Variants in ADAMTS2 observed in about 807,000 individuals in gnomAD.
ADAMTS2 encodes the protein A disintegrin and metalloproteinase with thrombospondin motifs 2.
In ADAMTS2, 50 loss-of-function variants were observed where a neutral mutation model predicts 123.0. The ratio of observed to expected loss-of-function variants is 0.41; its 90% CI spans 0.32 to 0.51. The LOEUF is 0.51. Ranked by LOEUF, ADAMTS2 falls within the 20% of genes least tolerant of loss-of-function variation. The probability of loss-of-function intolerance (pLI) is 0.35; values close to 1 mark genes in which losing one functional copy is unlikely to be tolerated. For synonymous variants in ADAMTS2, 678 were observed against 695.4 expected, an observed-to-expected ratio of 0.98 and a Z score of 0.39; for missense variants, 1,494 against 1,705.2, an observed-to-expected ratio of 0.88 and a Z score of 2.18.
At chr5:179,141,946 G>T (rs1312487532) in intron 10 of ADAMTS2, among the ~76,000 whole-genome samples, 1 of 152,030 alleles carries the variant, frequency 6.6e-6, no homozygotes, top group Non-Finnish European at 1.5e-5. Context: ...ATGTTGAAAG[G>T]GGCAAGCCCA....
chr5:179,275,375 C>G (rs1766667063), intron 2 of ADAMTS2, among the ~76,000 whole-genome samples: 1 of 152,094 alleles, frequency 6.6e-6, no homozygotes, highest in South Asian at 2.1e-4. Context: ...GAGGAGGAAG[C>G]ACCTGGTGGG....
intron 3 of ADAMTS2, among the ~76,000 whole-genome samples, chr5:179,261,174 C>T (rs894360235): frequency 6.6e-6 from 1 of 152,134 alleles, no homozygotes; most frequent in African/African-American, 2.4e-5. Flanking sequence ...ATATATAAGA[C>T]CCCAGGAGAT....
chr5:179,275,365 G>A (rs1236085674), intron 2 of ADAMTS2, among the ~76,000 whole-genome samples: 2 of 152,188 alleles, frequency 1.3e-5, no homozygotes, highest in South Asian at 2.1e-4. Context: ...AGATGGGAGG[G>A]AGGAGGAAGC....
In ADAMTS2 at chr5:179,132,685, ACAGC is replaced by A; in HGVS notation, c.2209+88_2209+91del. On this transcript the variant is annotated intron_variant, in intron 14 of 21. Transcript: ENST00000251582. This position sits in a 1 kb window ranked among gnomAD's most constrained non-coding sequence, Gnocchi z 6.1. ...CTCCCCAGAACAGTCATAAGCCCGG[ACAGC>A]CCCAGGATGAGTCAGGCCCTCAGCT... 1 of 1,531,182 alleles carries A rather than the reference ACAGC, an allele frequency of 6.5e-7. No individual in the cohort carries two copies. The highest frequency in any genetic ancestry group is 2.0e-4 in the Middle Eastern group (1 of 5,062). The allele number at this position is 1,531,182 out of a possible 1,614,324, so 94.8% of individuals were successfully genotyped here. A position where few individuals can be genotyped will look rare whatever the true frequency, so the allele number is the denominator to read the frequency against.
At chr5:179,145,137 A>G (rs1382626425) in intron 10 of ADAMTS2, among the ~76,000 whole-genome samples, 1 of 152,374 alleles carries the variant, frequency 6.6e-6, no homozygotes. Context: ...AAGCACATGA[A>G]AAGACGGTCA....
Position 179,132,241 on chromosome 5 carries a change from C to G in ADAMTS2, c.2279G>C (p.Ser760Thr), listed in dbSNP as rs781493524. 1.6e-5 allele frequency: 26 copies of G among 1,613,970 alleles called. No individual in the cohort carries two copies. Among genetic ancestry groups the G allele is most frequent in the Non-Finnish European group, 2.2e-5 (26 of 1,180,016 alleles). Reference sequence around the variant, plus strand: ...GCTCTGAGACTCACCCAGATGGTGGCTGGTGGCGTCTACCTCCTGAATGAG... The same window carrying G: ...GCTCTGAGACTCACCCAGATGGTGGGTGGTGGCGTCTACCTCCTGAATGAG... ...HLLIQEVDATSHHLAVKNLET... is the reference protein window; with the variant it reads ...HLLIQEVDATTHHLAVKNLET... Residue 760 changes from serine to threonine, a missense_variant, in exon 15 of 22, where the codon AGC becomes ACC. This residue lies in a region of ADAMTS2 where 953 missense variants were observed against 1,124.7 expected (regional missense o/e 0.85). Transcript: ENST00000251582. The surrounding 1 kb of genome is among the most constrained non-coding windows in gnomAD (Gnocchi z 6.1).
intron 2 of ADAMTS2, among the ~76,000 whole-genome samples, chr5:179,273,643 C>T (rs1581236618): frequency 6.6e-6 from 1 of 152,062 alleles, no homozygotes; most frequent in Non-Finnish European, 1.5e-5. Context: ...AGGCCCTGAC[C>T]ACAGCGGGTC....
rs113712926 is a variant in ADAMTS2, at chr5:179,199,398, T to C, written c.891+8115A>G. Reference sequence around the variant, plus strand: ...GCTGGCAGGAAAGGGGCATGTCTGGTGGATGGCTGGCCAGAGCCCGTGTTT... The same window carrying C: ...GCTGGCAGGAAAGGGGCATGTCTGGCGGATGGCTGGCCAGAGCCCGTGTTT... On this transcript the variant is annotated intron_variant, in intron 4 of 21. Transcript: ENST00000251582. Among the ~76,000 whole-genome samples, 1,200 of 152,250 alleles carry C rather than the reference T, an allele frequency of 7.9e-3. 23 individuals carry two copies. The highest frequency in any genetic ancestry group is 0.027 in the African/African-American group (1,136 of 41,534).
chr5:179,166,250 G>A (rs1763695161), intron 5 of ADAMTS2, among the ~76,000 whole-genome samples: 1 of 152,200 alleles, frequency 6.6e-6, no homozygotes, highest in Non-Finnish European at 1.5e-5. Context: ...GCAGCACCGG[G>A]AGCCTGGTCC....
chr5:179,184,006 G>C (rs1190038043), intron 4 of ADAMTS2, among the ~76,000 whole-genome samples: 2 of 152,186 alleles, frequency 1.3e-5, no homozygotes, highest in African/African-American at 2.4e-5. Flanking sequence ...CTGGCAACAT[G>C]ATCTTGAAAT....
chr5:179,237,049 G>A (rs1038533873), intron 3 of ADAMTS2, among the ~76,000 whole-genome samples: 1 of 152,070 alleles, frequency 6.6e-6, no homozygotes. Context: ...GAGCACAGAA[G>A]TACAAGACCA....
chr5:179,179,839 A>G (rs1363148922), intron 5 of ADAMTS2, among the ~76,000 whole-genome samples: 3 of 152,160 alleles, frequency 2.0e-5, no homozygotes, highest in Non-Finnish European at 4.4e-5. Flanking sequence ...TATAAGTTGT[A>G]TGCAGTTTGA....
At chr5:179,329,390 G>A (rs1230173182) in intron 2 of ADAMTS2, among the ~76,000 whole-genome samples, 1 of 150,292 alleles carries the variant, frequency 6.7e-6, no homozygotes, top group African/African-American at 2.4e-5. Flanking sequence ...TATCCTCCAT[G>A]AACTTCACAG....
rs1159004774 is a variant in ADAMTS2, at chr5:179,293,781, AT to A, written c.535-20718del. On this transcript the variant is annotated intron_variant, in intron 2 of 21. Transcript: ENST00000251582. ...GGCACACGCCACCACACCCAGCTAA[AT>A]TTTTTTTTTTTTTGTATTTTTTTAG... Among the ~76,000 whole-genome samples the A allele has an allele frequency of 4.2e-3, 597 of 142,952 alleles. 2 individuals carry two copies. Among genetic ancestry groups the A allele is most frequent in the African/African-American group, 9.0e-3 (351 of 39,082 alleles). 93.8% of individuals were successfully genotyped at this position (142,952 alleles called of 152,430 possible).
chr5:179,254,392 T>A (rs886079070), intron 3 of ADAMTS2, among the ~76,000 whole-genome samples: 3 of 152,082 alleles, frequency 2.0e-5, no homozygotes, highest in Non-Finnish European at 2.9e-5. Flanking sequence ...GGAAGGGGAA[T>A]GGGGAGTGAC....
rs1388177500 is a variant in ADAMTS2 at position 179,308,877 on chromosome 5, G to C, written c.534+34890C>G. Among the ~76,000 whole-genome samples, 1 of 152,188 alleles carries C rather than the reference G, an allele frequency of 6.6e-6. No homozygotes were observed. Among genetic ancestry groups the C allele is most frequent in the South Asian group, 2.1e-4 (1 of 4,830 alleles). On this transcript the variant is annotated intron_variant, in intron 2 of 21. Transcript: ENST00000251582. The surrounding 1 kb of genome is among the most constrained non-coding windows in gnomAD (Gnocchi z 6.6). ...CAGCCACTGAAGCCCTCGGGGTACTGTTCCCTGCCTTTAGCATCCCCCTCA... is the reference window on the plus strand; with the variant it reads ...CAGCCACTGAAGCCCTCGGGGTACTCTTCCCTGCCTTTAGCATCCCCCTCA...
chr5:179,125,419 A>T (rs560969947), intron 18 of ADAMTS2, among the ~76,000 whole-genome samples: 2 of 152,312 alleles, frequency 1.3e-5, no homozygotes, highest in East Asian at 1.9e-4. Flanking sequence ...CATGCATGTC[A>T]CCACTGGGAG....
rs745926214 is a variant in ADAMTS2, at chr5:179,307,549, T to C, written c.535-34485A>G. 6.6e-6 allele frequency among the ~76,000 whole-genome samples: 1 copy of C among 152,156 alleles called. No individual in the cohort carries two copies. The highest frequency in any genetic ancestry group is 2.4e-5 in the African/African-American group (1 of 41,436). On this transcript the variant is annotated intron_variant, in intron 2 of 21. Coordinates refer to ENST00000251582, the MANE Select transcript of ADAMTS2 (RefSeq NM_014244.5). The surrounding 1 kb of genome is among the most constrained non-coding windows in gnomAD (Gnocchi z 5.6). ...CCTGTGACCTCATTCTCTATGCTCC[T>C]CACGGCTGCCCCACAGAATCTCTGA... is the stretch of plus-strand genomic sequence containing the variant.
At chr5:179,186,214 C>A (rs984315780) in intron 4 of ADAMTS2, among the ~76,000 whole-genome samples, 1 of 152,176 alleles carries the variant, frequency 6.6e-6, no homozygotes, top group Non-Finnish European at 1.5e-5. Flanking sequence ...AGCAGCCCCT[C>A]CCAGCAGTCA....
Sources: allele counts gnomAD v4.1 joint callset (sites outside exome capture counted in the v4.1 genomes callset), GRCh38; gene constraint gnomAD v4.1.1; regional missense constraint gnomAD v4.1.1; non-coding constraint Gnocchi (gnomAD v3.1); transcripts MANE v1.5; gene names NCBI Gene and HGNC (gene_info 2026-07-23, HGNC 2026-07-21).